Variants in MACROD2 observed in about 807,000 individuals in gnomAD.
MACROD2 encodes the protein ADP-ribose glycohydrolase MACROD2.
In MACROD2, 36 loss-of-function variants were observed where a neutral mutation model predicts 70.4. The ratio of observed to expected loss-of-function variants is 0.51; its 90% CI spans 0.39 to 0.68. The LOEUF (loss-of-function observed/expected upper bound fraction) is 0.68. Ranked by LOEUF, MACROD2 falls within the 30% of genes least tolerant of loss-of-function variation. The probability of loss-of-function intolerance (pLI) is 0.00; values close to 1 mark genes in which losing one functional copy is unlikely to be tolerated. For missense variants in MACROD2, 496 were observed against 538.4 expected, an observed-to-expected ratio of 0.92 and a Z score of 0.78; for synonymous variants, 172 against 178.8, an observed-to-expected ratio of 0.96 and a Z score of 0.30.
At chr20:14,067,512 CCTTTT>C (rs1460355144) in intron 2 of MACROD2, among the ~76,000 whole-genome samples, 1 of 152,148 alleles carries the variant, frequency 6.6e-6, no homozygotes, top group Admixed American at 6.5e-5. Context: ...ATGTGCTTCT[CCTTTT>C]CTTTGAAGTA....
At chr20:14,538,058 ATT>A (rs1039201447) in intron 4 of MACROD2, among the ~76,000 whole-genome samples, 2 of 152,196 alleles carry the variant, frequency 1.3e-5, no homozygotes, top group Admixed American at 1.3e-4. Flanking sequence ...TCCCACCATT[ATT>A]TTAGCACTGT....
intron 6 of MACROD2, among the ~76,000 whole-genome samples, chr20:15,316,208 A>C (rs1311002666): frequency 6.6e-6 from 1 of 152,124 alleles, no homozygotes; most frequent in African/African-American, 2.4e-5. Flanking sequence ...TGACAGAATT[A>C]AGAACTTCCT....
At chr20:14,693,256 G>T (rs534623952) in intron 5 of MACROD2, among the ~76,000 whole-genome samples, 1 of 152,294 alleles carries the variant, frequency 6.6e-6, no homozygotes, top group South Asian at 2.1e-4. Context: ...AGCCACTGTT[G>T]TACAGGGATA....
intron 6 of MACROD2, among the ~76,000 whole-genome samples, chr20:15,360,176 A>T (rs1568747790): frequency 6.6e-6 from 1 of 152,190 alleles, no homozygotes; most frequent in South Asian, 2.1e-4. Context: ...GATGTTCCAC[A>T]TATCAGTAGT....
chr20:15,422,179 A>C (rs2046237875), intron 6 of MACROD2, among the ~76,000 whole-genome samples: 1 of 152,272 alleles, frequency 6.6e-6, no homozygotes, highest in African/African-American at 2.4e-5. Context: ...TTAAAGCATG[A>C]TGGGAGGTGA....
chr20:14,731,568 T>C (rs2071597496), intron 5 of MACROD2, among the ~76,000 whole-genome samples: 1 of 152,188 alleles, frequency 6.6e-6, no homozygotes, highest in Non-Finnish European at 1.5e-5. Flanking sequence ...CTGCTAATAG[T>C]TATCTCCTTC....
At chr20:14,328,590 G>A (rs1041568555) in intron 3 of MACROD2, among the ~76,000 whole-genome samples, 4 of 152,142 alleles carry the variant, frequency 2.6e-5, no homozygotes, top group Non-Finnish European at 4.4e-5. Context: ...CTTATTGAAC[G>A]ATGTGAGTAA....
At chr20:14,899,472 T>G (rs76804589) in intron 5 of MACROD2, among the ~76,000 whole-genome samples, 1 of 152,288 alleles carries the variant, frequency 6.6e-6, no homozygotes, top group East Asian at 1.9e-4. Context: ...TTCTGGCAAC[T>G]TTGGCATTGC....
At chr20:14,601,735 C>G (rs925542031) in intron 4 of MACROD2, among the ~76,000 whole-genome samples, 23 of 152,040 alleles carry the variant, frequency 1.5e-4, no homozygotes, top group African/African-American at 5.3e-4. Flanking sequence ...GAAATCACTC[C>G]TTACTTAGGT....
intron 5 of MACROD2, among the ~76,000 whole-genome samples, chr20:14,777,828 C>T (rs1409700816): frequency 1.3e-5 from 2 of 152,104 alleles, no homozygotes; most frequent in Non-Finnish European, 2.9e-5. Context: ...GCAGTTTCAA[C>T]TTATCAGGTG....
chr20:14,353,968 G>A (rs2083148465), intron 3 of MACROD2, among the ~76,000 whole-genome samples: 1 of 152,092 alleles, frequency 6.6e-6, no homozygotes, highest in African/African-American at 2.4e-5. Flanking sequence ...GGGGAAGGTG[G>A]GTGTCAAGTC....
At chr20:14,091,483 C>A (rs896367272) in intron 3 of MACROD2, among the ~76,000 whole-genome samples, 1 of 151,984 alleles carries the variant, frequency 6.6e-6, no homozygotes, top group Non-Finnish European at 1.5e-5. Context: ...AAGTAAATCG[C>A]AAATGTCTCA....
chr20:16,041,385 GT>G, intron 16 of MACROD2, 107 bp downstream of exon 16: 1 of 864,914 alleles, frequency 1.2e-6, no homozygotes, highest in Non-Finnish European at 1.7e-6. Flanking sequence ...AACATATTTG[GT>G]TAGAACACAG....
chr20:14,399,144 C>T (rs1251552204), intron 3 of MACROD2, among the ~76,000 whole-genome samples: 6 of 151,774 alleles, frequency 4.0e-5, no homozygotes, highest in African/African-American at 7.3e-5. Context: ...CTCAGCCTTC[C>T]GAGTAGCTGG....
At chr20:15,391,210 A>G (rs534806440) in intron 6 of MACROD2, among the ~76,000 whole-genome samples, 65 of 152,222 alleles carry the variant, frequency 4.3e-4, no homozygotes, top group Non-Finnish European at 5.9e-4. Flanking sequence ...CTAACCTTTA[A>G]AAGTGGGACT....
intron 4 of MACROD2, among the ~76,000 whole-genome samples, chr20:14,630,815 C>G (rs1346266581): frequency 6.6e-6 from 1 of 152,092 alleles, no homozygotes; most frequent in African/African-American, 2.4e-5. Flanking sequence ...TTAGAATATC[C>G]TTTCAAGGAG....
In MACROD2 at chr20:15,149,139, G is replaced by A. The variant is rs559792236; in HGVS notation, c.419-80801G>A. Among the ~76,000 whole-genome samples the A allele has an allele frequency of 1.8e-3, 267 of 152,168 alleles. 1 individual carries two copies. The highest frequency in any genetic ancestry group is 3.2e-3 in the Non-Finnish European group (217 of 68,022). The stretch of plus-strand genomic sequence containing the variant: ...AGTAAAGCTAATTTGCCAGTCCTGG[G>A]TGGAGGCAAATCCTTGAGCTTGGTG... On this transcript the variant is annotated intron_variant, in intron 5 of 17. Coordinates refer to ENST00000684519, the MANE Select transcript of MACROD2 (RefSeq NM_001351661.2).
Position 14,652,808 on chromosome 20 carries a change from C to T in MACROD2, c.302-32035C>T, listed in dbSNP as rs1985745459. 2.0e-5 allele frequency among the ~76,000 whole-genome samples: 3 copies of T among 152,272 alleles called. No individual in the cohort carries two copies. In the South Asian group the frequency reaches 6.2e-4, roughly 32 times the overall value. ...TGACCTTCCATTAATTTTCTTCAGT[C>T]CCAATAGGTGTTTATTTTGCCACTG... On this transcript the variant is annotated intron_variant, in intron 4 of 17. Coordinates refer to ENST00000684519, the MANE Select transcript of MACROD2 (RefSeq NM_001351661.2).
chr20:15,856,815 A>C (rs1226258085), intron 8 of MACROD2, among the ~76,000 whole-genome samples: 1 of 152,224 alleles, frequency 6.6e-6, no homozygotes, highest in Non-Finnish European at 1.5e-5. Context: ...TTGTTCATAA[A>C]AGAGCAAATT....
Sources: allele counts gnomAD v4.1 joint callset (sites outside exome capture counted in the v4.1 genomes callset), GRCh38; gene constraint gnomAD v4.1.1; transcripts MANE v1.5; gene names NCBI Gene and HGNC (gene_info 2026-07-23, HGNC 2026-07-21).